PLEKHA5: variants seen among roughly 807,000 people sequenced by gnomAD.
PLEKHA5 encodes pleckstrin homology domain-containing family A member 5.
PLEKHA5 carries 55 observed loss-of-function variants against 181.9 expected under a neutral mutation model. That is an observed-to-expected ratio of 0.30 (90% CI 0.24 to 0.38). The LOEUF (loss-of-function observed/expected upper bound fraction) is 0.38, where lower values mean the gene tolerates loss of function less well. Ranked by LOEUF, PLEKHA5 falls within the 10% of genes least tolerant of loss-of-function variation. PLEKHA5 has a pLI of 1.00. For synonymous variants in PLEKHA5, 535 were observed against 529.4 expected (o/e 1.01, Z -0.15); for missense variants, 1,432 against 1,549.5 (o/e 0.92, Z 1.27).
chr12:19,308,553 C>T (rs1267543601), intron 15 of PLEKHA5, among the ~76,000 whole-genome samples: 1 of 152,022 alleles, frequency 6.6e-6, no homozygotes, highest in African/African-American at 2.4e-5. Context: ...CATATAATTT[C>T]CTTTACTAAG....
At position 19,361,570 on chromosome 12, in the gene PLEKHA5, TTTA is replaced by T; in HGVS notation, c.3484-9_3484-7del. On this transcript the variant is annotated splice_polypyrimidine_tract_variant and intron_variant, in intron 28 of 31. Coordinates refer to ENST00000429027, the MANE Select transcript of PLEKHA5 (RefSeq NM_001256470.2). ...ATTCTTTGAAAAGAAAATTTTTCTT[TTTA>T]TTCTACAGTTAAAAAAAACTGAAAA... 5.9e-6 allele frequency: 8 copies of T among 1,345,930 alleles called. No individual in the cohort carries two copies. Among genetic ancestry groups the T allele is most frequent in the Non-Finnish European group, 8.3e-6 (8 of 965,290 alleles). 83.4% of individuals were successfully genotyped at this position (1,345,930 alleles called of 1,614,324 possible).
chr12:19,283,824 T>G, intron 12 of PLEKHA5, 79 bp downstream of exon 12: 1 of 862,598 alleles, frequency 1.2e-6, no homozygotes, highest in Non-Finnish European at 1.8e-6. Context: ...ATTTTAAATG[T>G]GAGAGACAAA....
chr12:19,167,169 C>T (rs1228201824), intron 3 of PLEKHA5, among the ~76,000 whole-genome samples: 1 of 152,058 alleles, frequency 6.6e-6, no homozygotes, highest in African/African-American at 2.4e-5. Flanking sequence ...TCCAGAGTAA[C>T]CTTGGAGCAG....
chr12:19,211,803 C>T (rs1043871864), intron 3 of PLEKHA5, among the ~76,000 whole-genome samples: 1 of 151,996 alleles, frequency 6.6e-6, no homozygotes, highest in Admixed American at 6.6e-5. Flanking sequence ...TGAAGAAAGC[C>T]GAAACAGAGA....
At chr12:19,363,762 G>A (rs1293778714) in intron 29 of PLEKHA5, among the ~76,000 whole-genome samples, 1 of 152,116 alleles carries the variant, frequency 6.6e-6, no homozygotes, top group Non-Finnish European at 1.5e-5. Context: ...AAAGTGCTGG[G>A]ATTACAGACA....
At chr12:19,145,773 TTTTATAAAACAACTA>T (rs1244086352) in intron 3 of PLEKHA5, among the ~76,000 whole-genome samples, 2 of 152,152 alleles carry the variant, frequency 1.3e-5, no homozygotes, top group East Asian at 3.9e-4. Context: ...AAAACAGTTG[TTTTATAAAACAACTA>T]TTTAGATGTG....
At chr12:19,315,704 AAATT>A (rs1009121212) in intron 16 of PLEKHA5, among the ~76,000 whole-genome samples, 6 of 152,180 alleles carry the variant, frequency 3.9e-5, no homozygotes, top group African/African-American at 9.6e-5. Context: ...CAGAAGAAGA[AAATT>A]AACTAACATG....
In PLEKHA5 at chr12:19,274,764, G is replaced by A; in HGVS notation, c.1094G>A (p.Cys365Tyr). Residue 365 changes from cysteine (C) to tyrosine (Y), a missense_variant, in exon 11 of 32, where the codon TGC becomes TAC. By Grantham distance (194) the Cys-to-Tyr change is radical (BLOSUM62 -2). Coordinates refer to ENST00000429027, the MANE Select transcript of PLEKHA5 (RefSeq NM_001256470.2). ...TCTGAATATGAGAGTGGGTCAGCAT[G>A]CCCTGCTCAGACTGTGCACTACAGA... is the stretch of plus-strand genomic sequence containing the variant. Reference protein sequence around the residue: ...LPSEYESGSACPAQTVHYRPI... With the variant: ...LPSEYESGSAYPAQTVHYRPI... 6.2e-7 allele frequency: 1 copy of A among 1,614,178 alleles called. No homozygotes were observed. The highest frequency in any genetic ancestry group is 8.5e-7 in the Non-Finnish European group (1 of 1,180,022).
At chr12:19,271,512 A>T (rs1158962627) in intron 10 of PLEKHA5, among the ~76,000 whole-genome samples, 1 of 152,190 alleles carries the variant, frequency 6.6e-6, no homozygotes, top group Non-Finnish European at 1.5e-5. Context: ...AAAAAAAAAT[A>T]AAAATAAAAC....
At chr12:19,307,832 A>C (rs2084636535) in intron 15 of PLEKHA5, among the ~76,000 whole-genome samples, 1 of 152,046 alleles carries the variant, frequency 6.6e-6, no homozygotes, top group Non-Finnish European at 1.5e-5. Context: ...AAACAGAGAG[A>C]CAACAACGAA....
At chr12:19,239,245 T>G (rs2061993045) in intron 3 of PLEKHA5, among the ~76,000 whole-genome samples, 1 of 152,194 alleles carries the variant, frequency 6.6e-6, no homozygotes, top group Admixed American at 6.5e-5. Flanking sequence ...GCTAGTTAAC[T>G]AGCCTGTTGA....
At chr12:19,348,957 G>A (rs1434597981) in intron 25 of PLEKHA5, among the ~76,000 whole-genome samples, 1 of 151,838 alleles carries the variant, frequency 6.6e-6, no homozygotes, top group Non-Finnish European at 1.5e-5. Flanking sequence ...GCAAGACTTC[G>A]TCTCATAAAT....
chr12:19,243,589 A>G (rs1168854158), intron 3 of PLEKHA5: 2 of 152,164 alleles, frequency 1.3e-5, no homozygotes, highest in Non-Finnish European at 2.9e-5. Context: ...TTTCTAAATG[A>G]TGAGAGGAGA....
chr12:19,167,405 A>ATTTTTTTTTTTTTTTTTT (rs56086557), intron 3 of PLEKHA5, among the ~76,000 whole-genome samples: 18 of 91,230 alleles, frequency 2.0e-4, no homozygotes, highest in African/African-American at 5.9e-4. Context: ...CTGAGGCTTA[A>ATTTTTTTTTTTTTTTTTT]TTTTTTTTTT....
intron 3 of PLEKHA5, among the ~76,000 whole-genome samples, chr12:19,211,728 A>G (rs1456798213): frequency 1.3e-5 from 2 of 152,212 alleles, no homozygotes; most frequent in Admixed American, 6.5e-5. Flanking sequence ...ACCTCATCCT[A>G]TAAAACAGAA....
At chr12:19,285,306 T>C (rs367995953) in intron 12 of PLEKHA5, among the ~76,000 whole-genome samples, 22 of 152,206 alleles carry the variant, frequency 1.4e-4, no homozygotes, top group East Asian at 1.3e-3. Flanking sequence ...AATAGTATTT[T>C]TCATGTTCTT....
intron 3 of PLEKHA5, among the ~76,000 whole-genome samples, chr12:19,158,064 G>A (rs747715754): frequency 4.8e-4 from 73 of 152,016 alleles, no homozygotes; most frequent in Non-Finnish European, 9.4e-4. Context: ...TAAGTTTGGC[G>A]GGTGCTGGGA....
Position 19,183,421 on chromosome 12 carries a change from C to G in PLEKHA5, c.227+50971C>G, listed in dbSNP as rs2049057908. Among the ~76,000 whole-genome samples the G allele has an allele frequency of 2.0e-5, 3 of 152,196 alleles. No individual in the cohort carries two copies. In the South Asian group the frequency reaches 6.2e-4, roughly 31 times the overall value. ...TTCCTACATGTTCACTTATTATCAA[C>G]AACCCTGTGGGATAATTATTAGTAT... is the stretch of plus-strand genomic sequence containing the variant. On this transcript the variant is annotated intron_variant, in intron 3 of 31. Transcript: ENST00000429027.
chr12:19,318,890 C>T (rs1162530132), intron 16 of PLEKHA5, among the ~76,000 whole-genome samples: 1 of 152,186 alleles, frequency 6.6e-6, no homozygotes, highest in Non-Finnish European at 1.5e-5. Flanking sequence ...CACTGCACTC[C>T]AGGCTGGGCA....
Sources: gnomAD v4.1 joint callset for allele counts (sites outside exome capture counted in the v4.1 genomes callset) on GRCh38, gnomAD v4.1.1 for gene constraint, MANE v1.5 for transcripts, NCBI Gene and HGNC (gene_info 2026-07-23, HGNC 2026-07-21) for gene names.